KIF16B: variants seen among roughly 807,000 people sequenced by gnomAD.
KIF16B encodes the protein kinesin-like protein KIF16B.
In KIF16B, 98 loss-of-function variants were observed where a neutral mutation model predicts 156.3. The observed-to-expected ratio is 0.63, with a 90% CI of 0.53 to 0.74. KIF16B has a LOEUF of 0.74. KIF16B is among the 30% of genes least tolerant of loss of function. The pLI, the probability that KIF16B is intolerant of heterozygous loss-of-function variation, is 0.00. For missense variants in KIF16B, 1,421 were observed against 1,606.5 expected (o/e 0.88, Z 1.97); for synonymous variants, 564 against 583.7 (o/e 0.97, Z 0.49).
At chr20:16,411,033 C>G (rs2065940953) in intron 15 of KIF16B, among the ~76,000 whole-genome samples, 1 of 152,112 alleles carries the variant, frequency 6.6e-6, no homozygotes, top group South Asian at 2.1e-4. Flanking sequence ...CCTTGACATA[C>G]TCGTCAATAA....
In KIF16B at chr20:16,497,660, G is replaced by C. The variant is rs1239414656; in HGVS notation, c.1195C>G (p.Pro399Ala). The change falls in exon 11 of 26, where the codon CCC (proline) becomes GCC (alanine). Residue 399 changes from proline to alanine, a missense_variant. Pro to Ala is a conservative substitution (Grantham distance 27). Coordinates refer to ENST00000354981, the MANE Select transcript of KIF16B (RefSeq NM_024704.5). ...QGNQIALLDS[P>A]TALSMEEKLQ... ...TTTTCCTCCATACTTAAAGCTGTGG[G>C]GGAGTCTAAGAGGGCAATCTACAAT... 1 of 1,610,880 alleles carries C rather than the reference G, an allele frequency of 6.2e-7. No homozygotes were observed. The highest frequency in any genetic ancestry group is 1.1e-5 in the South Asian group (1 of 90,964).
intron 12 of KIF16B, among the ~76,000 whole-genome samples, chr20:16,477,349 C>A (rs561268902): frequency 1.3e-4 from 18 of 143,048 alleles, no homozygotes; most frequent in African/African-American, 4.6e-4. Context: ...TTAAGCCACA[C>A]AGTGCCACAG....
Position 16,371,743 on chromosome 20 carries a change from T to C in KIF16B, c.3369A>G (p.Glu1123=), listed in dbSNP as rs756440126. The C allele has an allele frequency of 6.2e-6, 10 of 1,613,242 alleles. No homozygotes were observed. The South Asian group carries it at 1.1e-4, about 18-fold the overall frequency. ...LMDARINAYI[E]EEVQRRLQDL... is the part of the protein sequence containing the mutation. ...CCTGAAGGCGTCTTTGGACTTCTTC[T>C]TCAATGTAAGCATTGATCCTGTAAC... is the stretch of plus-strand genomic sequence containing the variant. The change falls in exon 21 of 26, where the codon GAA becomes GAG. Residue 1123 remains glutamate, a synonymous_variant. Transcript: ENST00000354981.
chr20:16,424,333 C>T (rs376626406), intron 15 of KIF16B, among the ~76,000 whole-genome samples: 18 of 152,060 alleles, frequency 1.2e-4, no homozygotes, highest in East Asian at 5.8e-4. Flanking sequence ...GATGTTAGAG[C>T]GTCTTTGACG....
Position 16,541,253 on chromosome 20 carries a change from C to T in KIF16B, c.48-12813G>A, listed in dbSNP as rs531870208. 1.2e-4 allele frequency among the ~76,000 whole-genome samples: 19 copies of T among 152,352 alleles called. 1 individual carries two copies. The highest frequency in any genetic ancestry group is 4.6e-4 in the African/African-American group (19 of 41,580). On this transcript the variant is annotated intron_variant, in intron 1 of 25. Transcript: ENST00000354981. ...GTTTTTGAGAAACACCCAGGGAACACAGATAGTAAAAAATTCTGGAATGGG... is the reference window on the plus strand; with the variant it reads ...GTTTTTGAGAAACACCCAGGGAACATAGATAGTAAAAAATTCTGGAATGGG...
chr20:16,396,121 G>A (rs1003739417), intron 17 of KIF16B, among the ~76,000 whole-genome samples: 2 of 152,088 alleles, frequency 1.3e-5, no homozygotes, highest in Non-Finnish European at 2.9e-5. Context: ...AATAAGGTAC[G>A]GCAGGGGTAC....
chr20:16,416,178 T>C (rs1039173643), intron 15 of KIF16B, among the ~76,000 whole-genome samples: 1 of 152,330 alleles, frequency 6.6e-6, no homozygotes, highest in Non-Finnish European at 1.5e-5. Context: ...GCTCTGATTA[T>C]ATTTTCTTTT....
chr20:16,472,888 T>C (rs562869438), intron 12 of KIF16B, among the ~76,000 whole-genome samples: 3 of 152,322 alleles, frequency 2.0e-5, no homozygotes, highest in African/African-American at 2.4e-5. Flanking sequence ...CAGACTTTGA[T>C]AGACCAACCT....
intron 23 of KIF16B, among the ~76,000 whole-genome samples, chr20:16,338,140 T>C (rs1296475031): frequency 3.3e-5 from 5 of 152,098 alleles, no homozygotes; most frequent in African/African-American, 1.2e-4. Flanking sequence ...TTCTGGAACA[T>C]CCCTTTCATC....
intron 1 of KIF16B, among the ~76,000 whole-genome samples, chr20:16,563,305 G>A (rs147344976): frequency 6.6e-6 from 1 of 152,260 alleles, no homozygotes; most frequent in East Asian, 1.9e-4. Context: ...CAACCTCCCT[G>A]GAAGGATTTT....
At chr20:16,365,695 G>GT (rs2064648933) in intron 22 of KIF16B, among the ~76,000 whole-genome samples, 1 of 152,196 alleles carries the variant, frequency 6.6e-6, no homozygotes, top group African/African-American at 2.4e-5. Context: ...AAGGAAGATG[G>GT]TAAGTTTCTG....
intron 18 of KIF16B, among the ~76,000 whole-genome samples, chr20:16,381,086 T>C (rs2065082216): frequency 6.6e-6 from 1 of 152,104 alleles, no homozygotes; most frequent in Non-Finnish European, 1.5e-5. Flanking sequence ...GCTGGTTAAA[T>C]AGGACAGGAA....
intron 12 of KIF16B, among the ~76,000 whole-genome samples, chr20:16,484,338 C>T (rs1446163509): frequency 6.6e-6 from 1 of 152,204 alleles, no homozygotes; most frequent in Non-Finnish European, 1.5e-5. Flanking sequence ...TCAGCTCAGC[C>T]TCTGACCCTG....
intron 4 of KIF16B, among the ~76,000 whole-genome samples, chr20:16,513,952 A>G (rs2069049697): frequency 6.6e-6 from 1 of 152,158 alleles, no homozygotes; most frequent in African/African-American, 2.4e-5. Context: ...AAAATAAAAG[A>G]AAGCATGACT....
chr20:16,479,081 G>A (rs2067902835), intron 12 of KIF16B, among the ~76,000 whole-genome samples: 1 of 152,172 alleles, frequency 6.6e-6, no homozygotes, highest in Non-Finnish European at 1.5e-5. Context: ...TAGCCACATT[G>A]TGTTATACAA....
intron 25 of KIF16B, among the ~76,000 whole-genome samples, chr20:16,311,483 G>A (rs376504715): frequency 5.9e-5 from 9 of 152,154 alleles, no homozygotes; most frequent in East Asian, 3.9e-4. Context: ...GCGAGACTCC[G>A]TCTCAAACAA....
At chr20:16,494,678 T>C (rs1309284298) in intron 11 of KIF16B, among the ~76,000 whole-genome samples, 1 of 152,198 alleles carries the variant, frequency 6.6e-6, no homozygotes, top group Non-Finnish European at 1.5e-5. Context: ...TCCCATTAAA[T>C]GGATTAATTT....
At chr20:16,341,787 C>T (rs1254177158) in intron 23 of KIF16B, among the ~76,000 whole-genome samples, 5 of 152,180 alleles carry the variant, frequency 3.3e-5, no homozygotes, top group Admixed American at 3.3e-4. Flanking sequence ...AAGGTCCGAG[C>T]AGCCTGACTA....
intron 25 of KIF16B, among the ~76,000 whole-genome samples, chr20:16,306,762 C>T (rs1345595679): frequency 6.6e-6 from 1 of 152,152 alleles, no homozygotes; most frequent in Non-Finnish European, 1.5e-5. Context: ...ATCACCATCA[C>T]CACCACCACA....
Sources: gnomAD v4.1 joint callset for allele counts (sites outside exome capture counted in the v4.1 genomes callset) on GRCh38, gnomAD v4.1.1 for gene constraint, MANE v1.5 for transcripts, NCBI Gene and HGNC (gene_info 2026-07-23, HGNC 2026-07-21) for gene names.